Variants in SPATS2 observed in about 807,000 individuals in gnomAD.
The protein encoded by SPATS2 is spermatogenesis-associated serine-rich protein 2.
SPATS2 carries 38 observed loss-of-function variants against 63.7 expected under a neutral mutation model. That is an observed-to-expected ratio of 0.60 (90% CI 0.46 to 0.78). The LOEUF is 0.78. Among genes scored for constraint, SPATS2 ranks in the 30% least tolerant of loss-of-function variants. The pLI is 0.00. For missense variants in SPATS2, 588 were observed against 666.2 expected, an observed-to-expected ratio of 0.88 and a Z score of 1.29; for synonymous variants, 207 against 232.9, an observed-to-expected ratio of 0.89 and a Z score of 1.01.
chr12:49,508,943 A>G (rs1946698993), intron 9 of SPATS2, among the ~76,000 whole-genome samples: 1 of 152,062 alleles, frequency 6.6e-6, no homozygotes, highest in South Asian at 2.1e-4. Context: ...GTGCACCTGT[A>G]GTCCCCACTA....
chr12:49,435,622 G>T lies in SPATS2; in HGVS notation c.-243-25148G>T, dbSNP rs112754439. On this transcript the variant is annotated intron_variant, in intron 2 of 13. Transcript: ENST00000552918. ...ATAACAGGTGTGAGCCACCGTGCCC[G>T]GCTACTGAATGGTTTCTTTTTTTTT... Among the ~76,000 whole-genome samples the T allele has an allele frequency of 6.6e-5, 10 of 150,788 alleles. No homozygotes were observed. In the South Asian group the frequency reaches 2.1e-3, roughly 32 times the overall value.
intron 3 of SPATS2, chr12:49,462,496 C>A (rs930609902): frequency 1.4e-6 from 1 of 698,226 alleles, no homozygotes; most frequent in Non-Finnish European, 2.6e-6. Flanking sequence ...TGGGCCCTTT[C>A]CCCCCGTGTG....
At chr12:49,436,484 C>T (rs1945292938) in intron 2 of SPATS2, among the ~76,000 whole-genome samples, 5 of 138,136 alleles carry the variant, frequency 3.6e-5, no homozygotes, top group African/African-American at 8.3e-5. Flanking sequence ...CAGGCAGAGG[C>T]GCCCCTTACC....
chr12:49,524,854 C>T lies in SPATS2; in HGVS notation c.1284C>T (p.Ala428=), dbSNP rs1162905476. The change falls in exon 13 of 14, where the codon GCC becomes GCT. Residue 428 remains alanine (A), a synonymous_variant. Transcript: ENST00000552918. The part of the protein sequence containing the change: ...KNFAPGETPA[A]IANSSGQPYQ... ...TTGCACCGGGAGAGACTCCTGCAGC[C>T]ATAGCAAACTCCAGTGGCCAGCCCT... 2 of 1,612,674 alleles carry T rather than the reference C, an allele frequency of 1.2e-6. No individual in the cohort carries two copies. The highest frequency in any genetic ancestry group is 1.7e-6 in the Non-Finnish European group (2 of 1,179,782).
At chr12:49,447,575 A>G (rs1043876588) in intron 2 of SPATS2, among the ~76,000 whole-genome samples, 6 of 152,116 alleles carry the variant, frequency 3.9e-5, no homozygotes, top group South Asian at 2.1e-4. Flanking sequence ...GGAGAATTCT[A>G]TTATTTCTTC....
intron 3 of SPATS2, among the ~76,000 whole-genome samples, chr12:49,483,228 G>A (rs1946236239): frequency 6.6e-6 from 1 of 150,852 alleles, no homozygotes; most frequent in Non-Finnish European, 1.5e-5. Context: ...AAAGAGATTG[G>A]TGGTTTGATT....
intron 2 of SPATS2, among the ~76,000 whole-genome samples, chr12:49,427,946 T>C (rs1945109928): frequency 6.6e-6 from 1 of 152,086 alleles, no homozygotes; most frequent in Admixed American, 6.6e-5. Context: ...ATTTTTTTTT[T>C]CTTATTGCAT....
At chr12:49,516,456 C>G (rs934665550) in intron 10 of SPATS2, among the ~76,000 whole-genome samples, 1 of 151,172 alleles carries the variant, frequency 6.6e-6, no homozygotes, top group African/African-American at 2.4e-5. Context: ...GCCTGTAATC[C>G]CAGCACTCTG....
At chr12:49,485,040 C>G (rs1187743412) in intron 4 of SPATS2, among the ~76,000 whole-genome samples, 1 of 151,816 alleles carries the variant, frequency 6.6e-6, no homozygotes, top group Non-Finnish European at 1.5e-5. Context: ...AGTCCAGGAG[C>G]CTTCAGAGCC....
At chr12:49,473,016 C>T (rs1178081645) in intron 3 of SPATS2, among the ~76,000 whole-genome samples, 3 of 146,580 alleles carry the variant, frequency 2.0e-5, no homozygotes, top group Admixed American at 6.9e-5. Context: ...TGTCACTGCA[C>T]GCAGCCTGGG....
intron 2 of SPATS2, among the ~76,000 whole-genome samples, chr12:49,439,313 G>A (rs1294872978): frequency 6.6e-6 from 1 of 152,132 alleles, no homozygotes; most frequent in African/African-American, 2.4e-5. Context: ...CTGGTCATGG[G>A]GAGCACTGAA....
At chr12:49,451,009 C>T (rs1945613823) in intron 2 of SPATS2, among the ~76,000 whole-genome samples, 1 of 151,786 alleles carries the variant, frequency 6.6e-6, no homozygotes, top group East Asian at 1.9e-4. Context: ...ACTGGGATTA[C>T]AGGCGCCCAC....
chr12:49,454,501 C>T (rs563916563), intron 2 of SPATS2: 2 of 152,316 alleles, frequency 1.3e-5, no homozygotes, highest in African/African-American at 4.8e-5. Context: ...ATGCAAAAAA[C>T]ATTCATACAT....
At chr12:49,522,226 A>AGGTTG (rs1946953662) in intron 11 of SPATS2, among the ~76,000 whole-genome samples, 1 of 134,734 alleles carries the variant, frequency 7.4e-6, no homozygotes, top group Admixed American at 6.9e-5. Context: ...CTCATTTGCA[A>AGGTTG]AGTTGACTTT....
intron 2 of SPATS2, among the ~76,000 whole-genome samples, chr12:49,439,758 C>G (rs1945383438): frequency 1.3e-5 from 2 of 152,192 alleles, no homozygotes; most frequent in Non-Finnish European, 2.9e-5. Context: ...CAGGTATCCA[C>G]TGATGCTGGG....
At chr12:49,403,629 ACACACACACAC>A in intron 2 of SPATS2, among the ~76,000 whole-genome samples, 5 of 150,952 alleles carry the variant, frequency 3.3e-5, no homozygotes, top group African/African-American at 9.9e-5. Flanking sequence ...ACACACACAC[ACACACACACAC>A]AAACAAAACT....
At chr12:49,481,057 CAAT>C (rs1946197322) in intron 3 of SPATS2, among the ~76,000 whole-genome samples, 2 of 152,116 alleles carry the variant, frequency 1.3e-5, no homozygotes, top group African/African-American at 2.4e-5. Context: ...CCAGCAAAAA[CAAT>C]AATAACAAAA....
chr12:49,483,636 A>C (rs1946242556), intron 3 of SPATS2, among the ~76,000 whole-genome samples: 1 of 152,238 alleles, frequency 6.6e-6, no homozygotes, highest in Non-Finnish European at 1.5e-5. Flanking sequence ...TAACAGCAAA[A>C]TAATTTGGAA....
intron 7 of SPATS2, among the ~76,000 whole-genome samples, chr12:49,496,267 G>GTTGT (rs569456511): frequency 2.4e-3 from 364 of 152,016 alleles, no homozygotes; most frequent in Middle Eastern, 6.8e-3. Context: ...CTAGAGCGTT[G>GTTGT]TTGTTTGTTT....
Sources: gnomAD v4.1 joint callset for allele counts (sites outside exome capture counted in the v4.1 genomes callset) on GRCh38, gnomAD v4.1.1 for gene constraint, MANE v1.5 for transcripts, NCBI Gene and HGNC (gene_info 2026-07-23, HGNC 2026-07-21) for gene names.